ADCY2: variants seen among roughly 807,000 people sequenced by gnomAD.
ADCY2 encodes the protein adenylate cyclase 2, also known as adenylate cyclase type 2.
ADCY2 carries 31 observed loss-of-function variants against 125.2 expected under a neutral mutation model. That is an observed-to-expected ratio of 0.25 (90% CI 0.19 to 0.33). The LOEUF is 0.33. Ranked by LOEUF, ADCY2 falls within the 10% of genes least tolerant of loss-of-function variation. The probability of loss-of-function intolerance (pLI) is 1.00; values close to 1 mark genes in which losing one functional copy is unlikely to be tolerated. For missense variants in ADCY2, 904 were observed against 1,418.2 expected, an observed-to-expected ratio of 0.64 and a Z score of 5.82; for synonymous variants, 512 against 548.4, an observed-to-expected ratio of 0.93 and a Z score of 0.93.
intron 3 of ADCY2, among the ~76,000 whole-genome samples, chr5:7,542,662 C>T (rs960161501): frequency 1.2e-4 from 19 of 152,336 alleles, no homozygotes; most frequent in East Asian, 3.9e-4. Context: ...CACGCAGCAG[C>T]GCTGAGAAAC....
chr5:7,478,093 T>C lies in ADCY2; in HGVS notation c.409-42645T>C, dbSNP rs143413122. Among the ~76,000 whole-genome samples the C allele has an allele frequency of 3.0e-3, 459 of 152,316 alleles. 2 individuals carry two copies. The highest frequency in any genetic ancestry group is 0.011 in the African/African-American group (449 of 41,574). On this transcript the variant is annotated intron_variant, in intron 2 of 24. Coordinates refer to ENST00000338316, the MANE Select transcript of ADCY2 (RefSeq NM_020546.3). Reference sequence around the variant, plus strand: ...ACAGTGGTGTGGTATTTCTGTAACTTTGTACATTTACTTTATCAATATCGC... The same window carrying C: ...ACAGTGGTGTGGTATTTCTGTAACTCTGTACATTTACTTTATCAATATCGC...
At chr5:7,753,932 G>A (rs952662355) in intron 15 of ADCY2, among the ~76,000 whole-genome samples, 2 of 152,152 alleles carry the variant, frequency 1.3e-5, no homozygotes, top group African/African-American at 2.4e-5. Flanking sequence ...GAAAGATACC[G>A]CCTGTCTCCC....
chr5:7,489,323 C>A (rs1432817862), intron 2 of ADCY2, among the ~76,000 whole-genome samples: 1 of 152,180 alleles, frequency 6.6e-6, no homozygotes, highest in African/African-American at 2.4e-5. Context: ...TGTCTTCTTT[C>A]TTTTTGACAC....
rs141167235 is a variant in ADCY2 at position 7,775,072 on chromosome 5, T to A, written c.2384+1971T>A. Among the ~76,000 whole-genome samples the A allele has an allele frequency of 3.6e-3, 543 of 152,162 alleles. 2 individuals are homozygous for A. The highest frequency in any genetic ancestry group is 0.012 in the African/African-American group (518 of 41,494). On this transcript the variant is annotated intron_variant, in intron 18 of 24. Coordinates refer to ENST00000338316, the MANE Select transcript of ADCY2 (RefSeq NM_020546.3). ...CTCAGGCTGGAGTGCAGTGGCACAGTCTGGGTTCACTGCAACCTCTGCCTC... is the reference window on the plus strand; with the variant it reads ...CTCAGGCTGGAGTGCAGTGGCACAGACTGGGTTCACTGCAACCTCTGCCTC...
intron 2 of ADCY2, among the ~76,000 whole-genome samples, chr5:7,455,684 TTTG>T (rs990069205): frequency 8.8e-5 from 13 of 147,222 alleles, no homozygotes; most frequent in African/African-American, 3.0e-4. Context: ...ATACATACAT[TTTG>T]TTATATCAAT....
At chr5:7,718,363 T>C (rs1453747927) in intron 12 of ADCY2, among the ~76,000 whole-genome samples, 1 of 152,064 alleles carries the variant, frequency 6.6e-6, no homozygotes, top group East Asian at 1.9e-4. Flanking sequence ...TTAGCCAGGA[T>C]GGTCTCGATC....
chr5:7,408,441 C>T (rs1739586017), intron 1 of ADCY2, among the ~76,000 whole-genome samples: 1 of 151,928 alleles, frequency 6.6e-6, no homozygotes, highest in South Asian at 2.1e-4. Flanking sequence ...AATCTCGGCT[C>T]ACTGCAACCT....
At chr5:7,719,025 A>T (rs1741682110) in intron 12 of ADCY2, among the ~76,000 whole-genome samples, 1 of 152,198 alleles carries the variant, frequency 6.6e-6, no homozygotes, top group South Asian at 2.1e-4. Flanking sequence ...TTTAAAAACT[A>T]ATTCCTAAAG....
chr5:7,648,533 A>G (rs1738976960), intron 4 of ADCY2, among the ~76,000 whole-genome samples: 1 of 152,314 alleles, frequency 6.6e-6, no homozygotes, highest in Non-Finnish European at 1.5e-5. Flanking sequence ...ACTCACTGCA[A>G]CAAATGCCAT....
chr5:7,587,269 G>A (rs553962758), intron 3 of ADCY2, among the ~76,000 whole-genome samples: 4 of 152,214 alleles, frequency 2.6e-5, no homozygotes, highest in East Asian at 1.9e-4. Flanking sequence ...CCGAGGTGGC[G>A]TCCCTCCTCC....
chr5:7,507,826 T>C (rs541974865), intron 2 of ADCY2, among the ~76,000 whole-genome samples: 1 of 152,182 alleles, frequency 6.6e-6, no homozygotes, highest in Non-Finnish European at 1.5e-5. Flanking sequence ...TATGTATGAA[T>C]AATGTTCGAC....
At chr5:7,486,031 G>T (rs1364548553) in intron 2 of ADCY2, among the ~76,000 whole-genome samples, 8 of 152,156 alleles carry the variant, frequency 5.3e-5, no homozygotes, top group Non-Finnish European at 1.2e-4. Flanking sequence ...ATAAGGGAAA[G>T]TTCTGAGTTT....
At chr5:7,723,254 T>G (rs1299813501) in intron 12 of ADCY2, among the ~76,000 whole-genome samples, 1 of 152,092 alleles carries the variant, frequency 6.6e-6, no homozygotes, top group African/African-American at 2.4e-5. Flanking sequence ...ATGACACAAA[T>G]TTTACCTATG....
chr5:7,530,397 G>T (rs1734601166), intron 3 of ADCY2, among the ~76,000 whole-genome samples: 1 of 152,146 alleles, frequency 6.6e-6, no homozygotes, highest in Non-Finnish European at 1.5e-5. Context: ...GCCCAAGTCT[G>T]GTTCTGATTG....
At chr5:7,804,071 A>AGAGAGAGAGAGAGAGAGAGAGAGAGC (rs1280836195) in intron 21 of ADCY2, among the ~76,000 whole-genome samples, 1 of 148,582 alleles carries the variant, frequency 6.7e-6, no homozygotes, top group Non-Finnish European at 1.5e-5. Flanking sequence ...AGAGAGAGAG[A>AGAGAGAGAGAGAGAGAGAGAGAGAGC]GAGCTGGTTT....
intron 18 of ADCY2, among the ~76,000 whole-genome samples, chr5:7,783,650 A>G (rs1464606222): frequency 6.6e-6 from 1 of 152,044 alleles, no homozygotes; most frequent in African/African-American, 2.4e-5. Flanking sequence ...ATCCATTTTT[A>G]TTTTTCAGGT....
At chr5:7,590,430 T>C (rs1458176075) in intron 3 of ADCY2, among the ~76,000 whole-genome samples, 1 of 152,234 alleles carries the variant, frequency 6.6e-6, no homozygotes, top group African/African-American at 2.4e-5. Context: ...TAAAATTCTG[T>C]TTTTAAAAAT....
chr5:7,453,440 A>G (rs770841265), intron 2 of ADCY2, among the ~76,000 whole-genome samples: 13 of 152,190 alleles, frequency 8.5e-5, no homozygotes, highest in Non-Finnish European at 1.9e-4. Context: ...CCCCACCTTC[A>G]GCAACAACAG....
At chr5:7,723,067 T>C (rs1158903826) in intron 12 of ADCY2, among the ~76,000 whole-genome samples, 1 of 149,954 alleles carries the variant, frequency 6.7e-6, no homozygotes, top group East Asian at 2.0e-4. Flanking sequence ...AAGTACCACA[T>C]ATTCTCCCTT....
Sources: gnomAD v4.1 joint callset for allele counts (sites outside exome capture counted in the v4.1 genomes callset) on GRCh38, gnomAD v4.1.1 for gene constraint, MANE v1.5 for transcripts, NCBI Gene and HGNC (gene_info 2026-07-23, HGNC 2026-07-21) for gene names.